Variants in RBFOX1 observed in about 807,000 individuals in gnomAD.
The protein encoded by RBFOX1 is RNA binding fox-1 homolog 1.
In RBFOX1, 8 loss-of-function variants were observed where a neutral mutation model predicts 57.7. The ratio of observed to expected loss-of-function variants is 0.14; its 90% CI spans 0.08 to 0.25. The LOEUF is 0.25. Ranked by LOEUF, RBFOX1 falls within the 10% of genes least tolerant of loss-of-function variation. RBFOX1 has a pLI of 1.00. For synonymous variants in RBFOX1, 326 were observed against 222.4 expected (o/e 1.47, Z -4.15); for missense variants, 611 against 548.5 (o/e 1.11, Z -1.14).
chr16:6,084,449 G>A (rs1218414482), intron 1 of RBFOX1, among the ~76,000 whole-genome samples: 3 of 152,026 alleles, frequency 2.0e-5, no homozygotes, highest in African/African-American at 7.3e-5. Flanking sequence ...TCACCATGTT[G>A]CCCAGGCTGA....
chr16:6,651,334 CCTTT>C (rs2098593791), intron 2 of RBFOX1, among the ~76,000 whole-genome samples: 1 of 152,154 alleles, frequency 6.6e-6, no homozygotes, highest in Non-Finnish European at 1.5e-5. Context: ...CAAGCTGTAT[CCTTT>C]CTTTAAAGAC....
chr16:5,978,189 C>CTGTATTCCCAAATACTCAG (rs2060105238), intron 4 of RBFOX1, among the ~76,000 whole-genome samples: 1 of 135,286 alleles, frequency 7.4e-6, no homozygotes, highest in Non-Finnish European at 1.5e-5. Flanking sequence ...TAGTGCATTC[C>CTGTATTCCCAAATACTCAG]TGTATTCCCA....
At chr16:6,260,677 A>T (rs1035111664) in intron 1 of RBFOX1, among the ~76,000 whole-genome samples, 24 of 152,164 alleles carry the variant, frequency 1.6e-4, no homozygotes, top group African/African-American at 5.3e-4. Context: ...CACGAGTTTG[A>T]GGCCAGCCTG....
At chr16:7,424,092 C>CT (rs1444754824) in intron 4 of RBFOX1, among the ~76,000 whole-genome samples, 1 of 152,050 alleles carries the variant, frequency 6.6e-6, no homozygotes, top group Non-Finnish European at 1.5e-5. Context: ...TTCTGAGTCT[C>CT]TTTTTTAAGC....
At chr16:6,510,141 A>G (rs752230991) in intron 2 of RBFOX1, among the ~76,000 whole-genome samples, 5 of 152,178 alleles carry the variant, frequency 3.3e-5, no homozygotes, top group African/African-American at 4.8e-5. Flanking sequence ...GGGAGTCAGT[A>G]GAGAAAGAGA....
intron 14 of RBFOX1, among the ~76,000 whole-genome samples, chr16:7,697,418 A>G (rs1049853908): frequency 1.3e-5 from 2 of 152,142 alleles, no homozygotes; most frequent in African/African-American, 2.4e-5. Context: ...CCCTGTAGTA[A>G]TTGTCCCTTG....
intron 4 of RBFOX1, among the ~76,000 whole-genome samples, chr16:7,224,057 A>G (rs537114337): frequency 7.0e-6 from 1 of 143,716 alleles, no homozygotes; most frequent in African/African-American, 2.6e-5. Flanking sequence ...GGGATGCATC[A>G]GAGGTTGCTT....
intron 11 of RBFOX1, among the ~76,000 whole-genome samples, chr16:7,635,146 T>C (rs1233973642): frequency 6.6e-6 from 1 of 152,264 alleles, no homozygotes; most frequent in East Asian, 1.9e-4. Context: ...CAGGCAGAAA[T>C]AGGAAGGTAA....
intron 2 of RBFOX1, among the ~76,000 whole-genome samples, chr16:5,535,249 C>T (rs532192923): frequency 6.6e-6 from 1 of 152,356 alleles, no homozygotes; most frequent in East Asian, 1.9e-4. Context: ...CAATGAACAG[C>T]TCATCAACTC....
intron 4 of RBFOX1, among the ~76,000 whole-genome samples, chr16:7,189,351 G>T (rs1019868206): frequency 6.6e-6 from 1 of 150,466 alleles, no homozygotes; most frequent in East Asian, 2.0e-4. Flanking sequence ...GTGTGAACCC[G>T]GGAGGTGGAG....
intron 3 of RBFOX1, among the ~76,000 whole-genome samples, chr16:7,025,588 G>C (rs969790812): frequency 7.9e-5 from 12 of 152,106 alleles, no homozygotes; most frequent in African/African-American, 2.9e-4. Context: ...GCATTTGCAT[G>C]CTTCTCAGCC....
chr16:7,110,918 T>G (rs1281016938), intron 4 of RBFOX1, among the ~76,000 whole-genome samples: 3 of 152,090 alleles, frequency 2.0e-5, no homozygotes, highest in Non-Finnish European at 4.4e-5. Flanking sequence ...TAACTTTGGG[T>G]AGTAAAAGGA....
chr16:6,543,336 A>G (rs7201185), intron 2 of RBFOX1, among the ~76,000 whole-genome samples: 27,054 of 151,924 alleles, frequency 0.18, 2,711 homozygotes, highest in East Asian at 0.37. Flanking sequence ...ACTTGACACA[A>G]TGGAAGGGCA....
At chr16:5,978,152 A>AAAAAAAAAAAAAAAAAAC (rs2060103674) in intron 4 of RBFOX1, among the ~76,000 whole-genome samples, 1 of 142,072 alleles carries the variant, frequency 7.0e-6, no homozygotes, top group Non-Finnish European at 1.5e-5. Flanking sequence ...AAAAAAAAAA[A>AAAAAAAAAAAAAAAAAAC]AAAAAAAAAG....
chr16:6,039,763 T>A (rs1262347822), intron 1 of RBFOX1, among the ~76,000 whole-genome samples: 1 of 152,222 alleles, frequency 6.6e-6, no homozygotes, highest in African/African-American at 2.4e-5. Context: ...CATAACAAAT[T>A]AATGCAAAAC....
intron 1 of RBFOX1, among the ~76,000 whole-genome samples, chr16:5,322,749 C>T (rs2064447669): frequency 6.6e-6 from 1 of 152,118 alleles, no homozygotes; most frequent in Admixed American, 6.5e-5. Flanking sequence ...TTTCTCTGAC[C>T]CACAGTTTAC....
intron 4 of RBFOX1, among the ~76,000 whole-genome samples, chr16:5,905,682 G>A (rs575169435): frequency 6.6e-6 from 1 of 152,224 alleles, no homozygotes; most frequent in South Asian, 2.1e-4. Context: ...GGGAGACCCT[G>A]TCCAACGCAA....
chr16:6,940,879 G>GTGTGTGTGTGTTTGTGTGTGTGTGTGTT (rs1555653227), intron 3 of RBFOX1, among the ~76,000 whole-genome samples: 1 of 138,566 alleles, frequency 7.2e-6, no homozygotes, highest in African/African-American at 2.8e-5. Context: ...GTGTGTGTGT[G>GTGTGTGTGTGTTTGTGTGTGTGTGTGTT]TGTGTGTGTG....
chr16:6,079,829 C>T (rs761001159), intron 1 of RBFOX1, among the ~76,000 whole-genome samples: 6 of 152,140 alleles, frequency 3.9e-5, no homozygotes, highest in Admixed American at 6.5e-5. Context: ...AAGCAAGACC[C>T]TGTCTCAAGC....
Sources: allele counts gnomAD v4.1 joint callset (sites outside exome capture counted in the v4.1 genomes callset), GRCh38; gene constraint gnomAD v4.1.1; transcripts MANE v1.5; gene names NCBI Gene and HGNC (gene_info 2026-07-23, HGNC 2026-07-21).